Variants in BCL2 observed in about 807,000 individuals in gnomAD.
The protein encoded by BCL2 is BCL2 apoptosis regulator.
In BCL2, 1 loss-of-function variant was observed where a neutral mutation model predicts 14.2. The ratio of observed to expected loss-of-function variants is 0.07; its 90% CI spans 0.02 to 0.33. BCL2 has a LOEUF of 0.33. Ranked by LOEUF, BCL2 falls within the 10% of genes least tolerant of loss-of-function variation. BCL2 has a pLI of 0.99. For synonymous variants in BCL2, 151 were observed against 137.2 expected (o/e 1.10, Z -0.70); for missense variants, 247 against 305.9 (o/e 0.81, Z 1.44).
rs971100181 is a variant in BCL2 at position 63,281,588 on chromosome 18, G to A, written c.585+36494C>T. Among the ~76,000 whole-genome samples, 4 of 151,770 alleles carry A rather than the reference G, an allele frequency of 2.6e-5. No homozygotes were observed. In the East Asian group the frequency reaches 7.8e-4, roughly 29 times the overall value. On this transcript the variant is annotated intron_variant, in intron 2 of 2. Transcript: ENST00000333681. ...GGGCTGAGGCAGGAGGAGTTCTTGA[G>A]CCCAGAAGGTTAAGGCTGCAGTGAG...
chr18:63,257,894 A>C (rs909090808), intron 2 of BCL2, among the ~76,000 whole-genome samples: 2 of 36,560 alleles, frequency 5.5e-5, no homozygotes, highest in African/African-American at 1.2e-4. Context: ...ATTGACTATA[A>C]AAGGAAGGCA....
At chr18:63,268,955 A>ATT (rs201860063) in intron 2 of BCL2, among the ~76,000 whole-genome samples, 4 of 148,010 alleles carry the variant, frequency 2.7e-5, no homozygotes, top group East Asian at 3.9e-4. Context: ...TTCTTTTTCC[A>ATT]TTTTTTTTTT....
At chr18:63,129,166 A>T (rs552167367) in intron 2 of BCL2, among the ~76,000 whole-genome samples, 10 of 152,348 alleles carry the variant, frequency 6.6e-5, no homozygotes, top group African/African-American at 2.2e-4. Context: ...TTTAGCTAGC[A>T]TGCCCATCCA....
chr18:63,146,031 T>C (rs967887355), intron 2 of BCL2, among the ~76,000 whole-genome samples: 51 of 152,250 alleles, frequency 3.3e-4, no homozygotes, highest in African/African-American at 1.2e-3. Context: ...CAAATCCCTT[T>C]TCCCTGCCAA....
chr18:63,302,219 G>A lies in BCL2; in HGVS notation c.585+15863C>T, dbSNP rs1912981262. 1.6e-5 allele frequency: 8 copies of A among 502,180 alleles called. No individual in the cohort carries two copies. In the South Asian group the frequency reaches 6.0e-4, roughly 38 times the overall value. 31.1% of individuals were successfully genotyped at this position (502,180 alleles called of 1,614,324 possible). A position where few individuals can be genotyped will look rare whatever the true frequency, so the allele number is the denominator to read the frequency against. ...GTGCTGGCAGGCGCCTGTAATCCCA[G>A]CTACTCGGGAGGCTGAGGTTGCAGT... On this transcript the variant is annotated intron_variant, in intron 2 of 2. Transcript: ENST00000333681.
chr18:63,266,604 ATCTCTCTC>A (rs36078664), intron 2 of BCL2, among the ~76,000 whole-genome samples: 125 of 141,534 alleles, frequency 8.8e-4, no homozygotes, highest in Admixed American at 2.3e-3. Context: ...TGGAACATAA[ATCTCTCTC>A]TCTCTCTCTC....
intron 2 of BCL2, among the ~76,000 whole-genome samples, chr18:63,214,622 G>C (rs1039570314): frequency 6.9e-6 from 1 of 144,506 alleles, no homozygotes; most frequent in Non-Finnish European, 1.5e-5. Context: ...ATCAAAAACT[G>C]TCGGGTAATA....
intron 2 of BCL2, among the ~76,000 whole-genome samples, chr18:63,199,165 C>A (rs1242709538): frequency 6.7e-6 from 1 of 149,530 alleles, no homozygotes; most frequent in Non-Finnish European, 1.5e-5. Flanking sequence ...ACACACCACA[C>A]ACATCACATA....
At chr18:63,196,187 G>C (rs775999081) in intron 2 of BCL2, among the ~76,000 whole-genome samples, 9 of 152,096 alleles carry the variant, frequency 5.9e-5, no homozygotes, top group Admixed American at 1.3e-4. Flanking sequence ...TACACGGTTT[G>C]TTTTTTGTGT....
At chr18:63,303,500 T>C (rs1189189691) in intron 2 of BCL2, among the ~76,000 whole-genome samples, 2 of 152,236 alleles carry the variant, frequency 1.3e-5, no homozygotes, top group Non-Finnish European at 2.9e-5. Context: ...ATGCATAAAG[T>C]TGTTCTTTTG....
At chr18:63,310,839 T>C (rs1055080523) in intron 2 of BCL2, among the ~76,000 whole-genome samples, 1 of 152,236 alleles carries the variant, frequency 6.6e-6, no homozygotes, top group Non-Finnish European at 1.5e-5. Flanking sequence ...ATCACTTTAA[T>C]GTTTAGTAAG....
At chr18:63,202,124 C>T (rs939862011) in intron 2 of BCL2, among the ~76,000 whole-genome samples, 1 of 152,056 alleles carries the variant, frequency 6.6e-6, no homozygotes, top group Non-Finnish European at 1.5e-5. Context: ...GCCTGGCGAA[C>T]ATGGTGAAAC....
intron 2 of BCL2, chr18:63,161,984 T>C (rs1914932296): frequency 6.6e-6 from 1 of 152,210 alleles, no homozygotes; most frequent in Non-Finnish European, 1.5e-5. Context: ...TATAGATGTG[T>C]AAACCAAAGC....
chr18:63,274,720 G>A (rs544195189), intron 2 of BCL2, among the ~76,000 whole-genome samples: 3 of 152,152 alleles, frequency 2.0e-5, no homozygotes, highest in Non-Finnish European at 4.4e-5. Context: ...ACCTGCCGCG[G>A]AGGACCTAGT....
At chr18:63,261,410 G>C (rs897719597) in intron 2 of BCL2, among the ~76,000 whole-genome samples, 1 of 152,122 alleles carries the variant, frequency 6.6e-6, no homozygotes, top group Admixed American at 6.5e-5. Flanking sequence ...TAGGGAGCAC[G>C]AACTAGATAT....
At position 63,127,657 on chromosome 18, in the gene BCL2, G is replaced by C. The variant is rs998806018; in HGVS notation, c.*968C>G. On this transcript the variant is annotated 3_prime_UTR_variant, in exon 3 of 3. Transcript: ENST00000333681. ...GACACAGGCAGGTTCTGCGGACTTC[G>C]GTCTCCTAAAAGCAGGCACTTGTGG... 1.7e-5 allele frequency: 4 copies of C among 229,874 alleles called. No homozygotes were observed. Among genetic ancestry groups the C allele is most frequent in the African/African-American group, 8.9e-5 (4 of 45,164 alleles). The allele number at this position is 229,874 out of a possible 1,614,324, so 14.2% of individuals were successfully genotyped here.
chr18:63,175,107 C>T (rs1488909877), intron 2 of BCL2, among the ~76,000 whole-genome samples: 1 of 152,172 alleles, frequency 6.6e-6, no homozygotes, highest in Non-Finnish European at 1.5e-5. Context: ...TCCTCAGTCA[C>T]TCTCCAAAGC....
chr18:63,205,757 G>A, intron 2 of BCL2, among the ~76,000 whole-genome samples: 1 of 152,130 alleles, frequency 6.6e-6, no homozygotes. Flanking sequence ...TACTGTGGTT[G>A]GAATAAGCAG....
chr18:63,209,835 G>A (rs1909951754), intron 2 of BCL2, among the ~76,000 whole-genome samples: 1 of 152,168 alleles, frequency 6.6e-6, no homozygotes, highest in Non-Finnish European at 1.5e-5. Context: ...AGAGATGACT[G>A]GTCACCAAGA....
Sources: allele counts gnomAD v4.1 joint callset (sites outside exome capture counted in the v4.1 genomes callset), GRCh38; gene constraint gnomAD v4.1.1; transcripts MANE v1.5; gene names NCBI Gene and HGNC (gene_info 2026-07-23, HGNC 2026-07-21).